The following SCAMP1 variants were observed in gnomAD, a reference collection of about 807,000 sequenced individuals.
The protein encoded by SCAMP1 is secretory carrier membrane protein 1.
In SCAMP1, 15 loss-of-function variants were observed where a neutral mutation model predicts 41.8. The ratio of observed to expected loss-of-function variants is 0.36; its 90% CI spans 0.24 to 0.55. The LOEUF (loss-of-function observed/expected upper bound fraction) is 0.55. SCAMP1 is among the 20% of genes least tolerant of loss of function. The pLI is 0.86. For synonymous variants in SCAMP1, 135 were observed against 136.8 expected, an observed-to-expected ratio of 0.99 and a Z score of 0.09; for missense variants, 341 against 412.6, an observed-to-expected ratio of 0.83 and a Z score of 1.50.
intron 6 of SCAMP1, among the ~76,000 whole-genome samples, chr5:78,447,371 A>T (rs1753077645): frequency 6.6e-6 from 1 of 152,142 alleles, no homozygotes; most frequent in Non-Finnish European, 1.5e-5. Context: ...TTACTAGAAA[A>T]CTTCAAAATA....
At chr5:78,362,875 T>C (rs1169639853) in intron 1 of SCAMP1, among the ~76,000 whole-genome samples, 1 of 151,450 alleles carries the variant, frequency 6.6e-6, no homozygotes, top group Non-Finnish European at 1.5e-5. Context: ...AGTTACTTTA[T>C]GATCATTTTT....
intron 6 of SCAMP1, among the ~76,000 whole-genome samples, chr5:78,446,466 G>A (rs917585896): frequency 6.6e-6 from 1 of 151,736 alleles, no homozygotes; most frequent in African/African-American, 2.4e-5. Flanking sequence ...TTAATAGTCT[G>A]GTTTCTTGGC....
intron 2 of SCAMP1, among the ~76,000 whole-genome samples, chr5:78,412,500 G>A (rs1752104987): frequency 2.0e-5 from 3 of 151,698 alleles, no homozygotes; most frequent in Admixed American, 2.0e-4. Flanking sequence ...ACAACCTTTT[G>A]TATTTCCATT....
At chr5:78,464,071 G>A (rs572518947) in intron 8 of SCAMP1, among the ~76,000 whole-genome samples, 24 of 151,842 alleles carry the variant, frequency 1.6e-4, no homozygotes, top group Admixed American at 2.6e-4. Context: ...TCCGCCTCCC[G>A]GGTTCAAGCG....
intron 6 of SCAMP1, among the ~76,000 whole-genome samples, chr5:78,441,165 G>T (rs1425696890): frequency 1.3e-5 from 2 of 152,190 alleles, no homozygotes; most frequent in Non-Finnish European, 2.9e-5. Flanking sequence ...CCCAGGTGAG[G>T]TGACACCCTG....
At chr5:78,416,425 T>C (rs982247089) in intron 3 of SCAMP1, 116 bp from the exon 4 acceptor site, 5 of 678,840 alleles carry the variant, frequency 7.4e-6, no homozygotes, top group Non-Finnish European at 1.2e-5. Context: ...TCCTGTACTT[T>C]GGAAGTGTGT....
At chr5:78,365,276 C>T (rs1345447177) in intron 1 of SCAMP1, among the ~76,000 whole-genome samples, 4 of 151,708 alleles carry the variant, frequency 2.6e-5, no homozygotes, top group Non-Finnish European at 2.9e-5. Context: ...AGTTCGAGAC[C>T]AGCCTGGCCA....
At chr5:78,432,989 C>T (rs1055794812) in intron 6 of SCAMP1, among the ~76,000 whole-genome samples, 5 of 152,152 alleles carry the variant, frequency 3.3e-5, no homozygotes, top group Middle Eastern at 3.4e-3. Context: ...GATTCTCTCC[C>T]ACCCTCAGTT....
Position 78,406,360 on chromosome 5 carries a change from C to T in SCAMP1, c.136-9160C>T, listed in dbSNP as rs573918465. Among the ~76,000 whole-genome samples, 8 of 152,256 alleles carry T rather than the reference C, an allele frequency of 5.3e-5. No individual in the cohort carries two copies. The South Asian group carries it at 1.7e-3, about 32-fold the overall frequency. Reference sequence around the variant, plus strand: ...AACATTCTTTTAGACCCTACATACACTTTGGCTGTTTTTTGGTTTAGAGAT... The same window carrying T: ...AACATTCTTTTAGACCCTACATACATTTTGGCTGTTTTTTGGTTTAGAGAT... On this transcript the variant is annotated intron_variant, in intron 2 of 8. Transcript: ENST00000621999.
At chr5:78,397,289 A>T (rs1751676607) in intron 2 of SCAMP1, among the ~76,000 whole-genome samples, 2 of 152,206 alleles carry the variant, frequency 1.3e-5, no homozygotes, top group Non-Finnish European at 2.9e-5. Flanking sequence ...CACATACAGT[A>T]GAATGAAGTT....
Position 78,438,369 on chromosome 5 carries a change from C to G in SCAMP1, c.633-11564C>G, listed in dbSNP as rs570077157. On this transcript the variant is annotated intron_variant, in intron 6 of 8. Coordinates refer to ENST00000621999, the MANE Select transcript of SCAMP1 (RefSeq NM_004866.6). The stretch of plus-strand genomic sequence containing the variant: ...AGCATTTAGCGCTATAAATTTCCCT[C>G]TACACACTGCTTTAAATGTGTCCTA... Among the ~76,000 whole-genome samples the G allele has an allele frequency of 2.8e-4, 42 of 152,352 alleles. No homozygotes were observed. The South Asian group carries it at 3.7e-3, about 14-fold the overall frequency.
intron 6 of SCAMP1, among the ~76,000 whole-genome samples, chr5:78,438,631 C>T (rs1421107977): frequency 6.6e-6 from 1 of 152,108 alleles, no homozygotes; most frequent in Non-Finnish European, 1.5e-5. Flanking sequence ...GCTTTACTTC[C>T]AATTCTGTGG....
At chr5:78,429,879 G>T (rs1410890766) in intron 6 of SCAMP1, among the ~76,000 whole-genome samples, 1 of 151,808 alleles carries the variant, frequency 6.6e-6, no homozygotes, top group Admixed American at 6.6e-5. Flanking sequence ...GTACTCATTT[G>T]CTGCTATGGA....
At chr5:78,396,358 T>C (rs760327944) in intron 2 of SCAMP1, among the ~76,000 whole-genome samples, 3 of 152,204 alleles carry the variant, frequency 2.0e-5, no homozygotes, top group Non-Finnish European at 4.4e-5. Flanking sequence ...GACAGGGATA[T>C]ATGGAAAATC....
intron 2 of SCAMP1, among the ~76,000 whole-genome samples, chr5:78,401,978 A>G (rs1751810506): frequency 6.6e-6 from 1 of 152,024 alleles, no homozygotes; most frequent in African/African-American, 2.4e-5. Flanking sequence ...ATTTTCCTCT[A>G]AGCCCTGCTT....
chr5:78,446,367 G>C (rs1357256605), intron 6 of SCAMP1, among the ~76,000 whole-genome samples: 1 of 152,162 alleles, frequency 6.6e-6, no homozygotes, highest in South Asian at 2.1e-4. Flanking sequence ...TTTGGAACAA[G>C]GTAATGGACA....
At chr5:78,366,933 A>C (rs1267089422) in intron 1 of SCAMP1, among the ~76,000 whole-genome samples, 2 of 151,784 alleles carry the variant, frequency 1.3e-5, no homozygotes, top group Non-Finnish European at 2.9e-5. Flanking sequence ...AAAAAAAAAA[A>C]AAAACCCAAA....
intron 2 of SCAMP1, among the ~76,000 whole-genome samples, chr5:78,402,712 A>G (rs62362625): frequency 0.31 from 47,237 of 152,012 alleles, 7,930 homozygotes; most frequent in East Asian, 0.54. Context: ...TAGACAACAT[A>G]TAGTTGGGTC....
chr5:78,392,294 G>A (rs550067133), intron 2 of SCAMP1, among the ~76,000 whole-genome samples: 20 of 151,962 alleles, frequency 1.3e-4, no homozygotes, highest in Non-Finnish European at 1.9e-4. Context: ...TTAAATTTCC[G>A]TTTTACTAAT....
Sources: gnomAD v4.1 joint callset for allele counts (sites outside exome capture counted in the v4.1 genomes callset) on GRCh38, gnomAD v4.1.1 for gene constraint, MANE v1.5 for transcripts, NCBI Gene and HGNC (gene_info 2026-07-23, HGNC 2026-07-21) for gene names.